The following ZFHX3 variants were observed in gnomAD, a reference collection of about 807,000 sequenced individuals.
ZFHX3 encodes zinc finger homeobox protein 3.
A neutral mutation model predicts 279.1 loss-of-function variants in ZFHX3; 42 were observed. That is an observed-to-expected ratio of 0.15 (90% CI 0.12 to 0.19). The LOEUF is 0.19. ZFHX3 is among the 10% of genes least tolerant of loss of function. The pLI, the probability that ZFHX3 is intolerant of heterozygous loss-of-function variation, is 1.00. For synonymous variants in ZFHX3, 2,293 were observed against 1,957.8 expected (o/e 1.17, Z -4.52); for missense variants, 4,981 against 4,754.0 (o/e 1.05, Z -1.40).
At chr16:73,509,521 C>CTTTTTTTTTTTTTTTTTTTTTTTTT (rs531436437) in intron 2 of ZFHX3, among the ~76,000 whole-genome samples, 1 of 102,964 alleles carries the variant, frequency 9.7e-6, no homozygotes, top group Non-Finnish European at 1.8e-5. Context: ...TTTCCCTCTC[C>CTTTTTTTTTTTTTTTTTTTTTTTTT]TTTTTTTTTT....
chr16:73,644,706 C>T (rs567917109), intron 2 of ZFHX3, among the ~76,000 whole-genome samples: 4 of 151,920 alleles, frequency 2.6e-5, no homozygotes, highest in Admixed American at 6.6e-5. Context: ...CAGCAGTTTC[C>T]AGTATAAGAC....
At position 73,864,695 on chromosome 16, in the gene ZFHX3, A is replaced by G. The variant is rs111617349; in HGVS notation, c.-1608+26956T>C. 6.5e-3 allele frequency among the ~76,000 whole-genome samples: 987 copies of G among 152,328 alleles called. 17 individuals are homozygous for G. The highest frequency in any genetic ancestry group is 0.023 in the African/African-American group (959 of 41,570). ...AGATCGCCCCACTGCACTCCCACCC[A>G]GACAACAGAGCAAGACTCTGTCTCA... On this transcript the variant is annotated intron_variant, in intron 1 of 17. Coordinates refer to the ZFHX3 transcript ENST00000641206.
chr16:72,793,472 G>C lies in ZFHX3; in HGVS notation c.9210C>G (p.Ala3070=). 6.2e-7 allele frequency: 1 copy of C among 1,614,194 alleles called. No individual in the cohort carries two copies. The highest frequency in any genetic ancestry group is 1.7e-5 in the Admixed American group (1 of 60,026). Residue 3070 remains alanine, a synonymous_variant, in exon 9 of 10, where the codon GCC becomes GCG. Coordinates refer to ENST00000268489, the MANE Select transcript of ZFHX3 (RefSeq NM_006885.4). The surrounding 1 kb of genome is among the most constrained non-coding windows in gnomAD (Gnocchi z 4.3). Reference sequence around the variant, plus strand: ...GTTGAGCCATCAACTGACGTACGGTGGCTGGGTCAAAGTATTCTTTCTCCT... The same window carrying C: ...GTTGAGCCATCAACTGACGTACGGTCGCTGGGTCAAAGTATTCTTTCTCCT... ...LDKEKEYFDP[A]TVRQLMAQQE...
At chr16:73,207,798 G>A (rs931146658) in intron 5 of ZFHX3, among the ~76,000 whole-genome samples, 4 of 152,152 alleles carry the variant, frequency 2.6e-5, no homozygotes, top group African/African-American at 9.7e-5. Context: ...ATAAGTAAGA[G>A]ACAGAGAGAA....
chr16:73,304,447 G>A (rs1017904230), intron 4 of ZFHX3, among the ~76,000 whole-genome samples: 2 of 152,122 alleles, frequency 1.3e-5, no homozygotes, highest in Non-Finnish European at 2.9e-5. Context: ...GATCTTATGC[G>A]CAGAGAGGCA....
intron 1 of ZFHX3, among the ~76,000 whole-genome samples, chr16:73,760,404 T>G (rs559796852): frequency 6.6e-6 from 1 of 151,922 alleles, no homozygotes; most frequent in Admixed American, 6.6e-5. Context: ...TTCCAAACAA[T>G]AGAAAAAGAG....
intron 1 of ZFHX3, among the ~76,000 whole-genome samples, chr16:73,832,163 T>G (rs1961014781): frequency 6.6e-6 from 1 of 151,898 alleles, no homozygotes; most frequent in Non-Finnish European, 1.5e-5. Flanking sequence ...CCTCCCAAAG[T>G]GCTGGGATTA....
intron 2 of ZFHX3, among the ~76,000 whole-genome samples, chr16:73,498,284 G>A (rs1303824900): frequency 1.3e-5 from 2 of 152,212 alleles, no homozygotes; most frequent in Non-Finnish European, 2.9e-5. Flanking sequence ...TTAGAATGGT[G>A]TTGGCTTTTG....
At chr16:73,599,996 T>C (rs2052094361) in intron 2 of ZFHX3, among the ~76,000 whole-genome samples, 1 of 152,206 alleles carries the variant, frequency 6.6e-6, no homozygotes, top group Non-Finnish European at 1.5e-5. Context: ...CCCCACCCAC[T>C]TTTGGGGTAA....
intron 3 of ZFHX3, among the ~76,000 whole-genome samples, chr16:73,359,286 A>G (rs1402626380): frequency 6.6e-6 from 1 of 152,080 alleles, no homozygotes; most frequent in Non-Finnish European, 1.5e-5. Flanking sequence ...AGTGGGCACA[A>G]AAGGAAGGAG....
intron 2 of ZFHX3, among the ~76,000 whole-genome samples, chr16:73,577,567 C>T (rs1162607513): frequency 6.6e-6 from 1 of 152,184 alleles, no homozygotes; most frequent in Non-Finnish European, 1.5e-5. Flanking sequence ...ACCTGCCTGT[C>T]CCTCAGACCC....
chr16:73,346,533 G>A (rs111953612), intron 3 of ZFHX3, among the ~76,000 whole-genome samples: 8,710 of 152,290 alleles, frequency 0.057, 325 homozygotes, highest in East Asian at 0.11. Flanking sequence ...GTGCAGAGGT[G>A]CGATCTCGGC....
At position 72,798,413 on chromosome 16, in the gene ZFHX3, A is replaced by G. The variant is rs371710565; in HGVS notation, c.4269T>C (p.His1423=). ...IEKLQLHSQY[H]VIRAATMCCL... ...AGCACATGGTGGCAGCTCTGATCACATGGTACTGAGAATGGAGCTGCAACT... is the reference window on the plus strand; with the variant it reads ...AGCACATGGTGGCAGCTCTGATCACGTGGTACTGAGAATGGAGCTGCAACT... The change falls in exon 9 of 10, where the codon CAT becomes CAC. Residue 1423 remains histidine, a synonymous_variant. Coordinates refer to ENST00000268489, the MANE Select transcript of ZFHX3 (RefSeq NM_006885.4). The G allele has an allele frequency of 6.8e-6, 11 of 1,614,102 alleles. No individual in the cohort carries two copies. The African/African-American group carries it at 1.3e-4, about 20-fold the overall frequency.
intron 2 of ZFHX3, among the ~76,000 whole-genome samples, chr16:73,612,387 C>G (rs747833458): frequency 7.9e-5 from 12 of 152,094 alleles, no homozygotes; most frequent in Non-Finnish European, 1.8e-4. Flanking sequence ...GCTGCCATGA[C>G]CTTAACTCCA....
At chr16:73,731,973 TA>T (rs1386083489) in intron 1 of ZFHX3, among the ~76,000 whole-genome samples, 1 of 152,202 alleles carries the variant, frequency 6.6e-6, no homozygotes, top group African/African-American at 2.4e-5. Context: ...GCTGATTTGT[TA>T]AAAATATGAA....
At position 72,796,459 on chromosome 16, in the gene ZFHX3, T is replaced by C. The variant is rs1350506748; in HGVS notation, c.6223A>G (p.Thr2075Ala). The C allele has an allele frequency of 6.2e-7, 1 of 1,606,496 alleles. No homozygotes were observed. Among genetic ancestry groups the C allele is most frequent in the South Asian group, 1.1e-5 (1 of 90,938 alleles). Reference sequence around the variant, plus strand: ...ACTGATGGCTGGGCCGGTGCAATTGTAGGTGAGGTGATGGGTGGGGCTGAT... The same window carrying C: ...ACTGATGGCTGGGCCGGTGCAATTGCAGGTGAGGTGATGGGTGGGGCTGAT... Reference protein sequence around the residue: ...PASAPPITSPTIAPAQPSVPL... With the variant: ...PASAPPITSPAIAPAQPSVPL... Residue 2075 changes from threonine to alanine, a missense_variant, in exon 9 of 10, where the codon ACA (threonine) becomes GCA (alanine). Thr to Ala is a moderately conservative substitution (Grantham distance 58, BLOSUM62 0). Around this residue, in one of 7 missense-constraint regions of ZFHX3, gnomAD observed 1,751 missense variants for 1,770.0 expected, o/e 0.99. Transcript: ENST00000268489.
At chr16:73,052,704 G>A (rs1965472815), upstream of ZFHX3, among the ~76,000 whole-genome samples, 1 of 152,020 alleles carries the variant, frequency 6.6e-6, no homozygotes, top group South Asian at 2.1e-4. Flanking sequence ...TTTAAAGAAT[G>A]GATGAAAAAA....
chr16:73,226,257 A>G (rs1315463149), intron 5 of ZFHX3, among the ~76,000 whole-genome samples: 1 of 152,186 alleles, frequency 6.6e-6, no homozygotes, highest in Non-Finnish European at 1.5e-5. Context: ...GGAAACAGGA[A>G]ACTGTAGACA....
At chr16:72,922,980 A>G (rs1489555652) in intron 3 of ZFHX3, among the ~76,000 whole-genome samples, 1 of 152,196 alleles carries the variant, frequency 6.6e-6, no homozygotes. Flanking sequence ...CGACGAAATG[A>G]TTAGTATCTA....
Sources: allele counts gnomAD v4.1 joint callset (sites outside exome capture counted in the v4.1 genomes callset), GRCh38; gene constraint gnomAD v4.1.1; regional missense constraint gnomAD v4.1.1; non-coding constraint Gnocchi (gnomAD v3.1); transcripts MANE v1.5; gene names NCBI Gene and HGNC (gene_info 2026-07-23, HGNC 2026-07-21).